Variants in NMNAT2 observed in about 807,000 individuals in gnomAD.
NMNAT2 encodes the protein nicotinamide nucleotide adenylyltransferase 2.
NMNAT2 carries 11 observed loss-of-function variants against 41.6 expected under a neutral mutation model. That is an observed-to-expected ratio of 0.26 (90% CI 0.17 to 0.44). The LOEUF (loss-of-function observed/expected upper bound fraction) is 0.44. Among genes scored for constraint, NMNAT2 ranks in the 20% least tolerant of loss-of-function variants. The probability of loss-of-function intolerance (pLI) is 1.00; values close to 1 mark genes in which losing one functional copy is unlikely to be tolerated. For synonymous variants in NMNAT2, 148 were observed against 151.2 expected, an observed-to-expected ratio of 0.98 and a Z score of 0.16; for missense variants, 288 against 407.7, an observed-to-expected ratio of 0.71 and a Z score of 2.53.
At chr1:183,294,147 T>C (rs1457843433) in intron 1 of NMNAT2, among the ~76,000 whole-genome samples, 1 of 151,984 alleles carries the variant, frequency 6.6e-6, no homozygotes, top group Non-Finnish European at 1.5e-5. Flanking sequence ...GGAGTTATAA[T>C]GTGGAGGAGT....
At chr1:183,273,096 A>G (rs979543980) in intron 8 of NMNAT2, among the ~76,000 whole-genome samples, 3 of 152,210 alleles carry the variant, frequency 2.0e-5, no homozygotes, top group Non-Finnish European at 4.4e-5. Context: ...TGGCCAATCA[A>G]TGTAGCCAGC....
intron 1 of NMNAT2, among the ~76,000 whole-genome samples, chr1:183,345,756 G>A (rs553515941): frequency 1.2e-4 from 18 of 151,214 alleles, no homozygotes; most frequent in African/African-American, 4.1e-4. Context: ...GCGCGATCTC[G>A]GCTCACTGCA....
chr1:183,327,600 C>T (rs368548380), intron 1 of NMNAT2, among the ~76,000 whole-genome samples: 1 of 152,178 alleles, frequency 6.6e-6, no homozygotes, highest in Non-Finnish European at 1.5e-5. Flanking sequence ...ATCAGTATGT[C>T]CCAGAATCGT....
Position 183,293,799 on chromosome 1 carries a change from T to C in NMNAT2, c.86-6A>G. On this transcript the variant is annotated splice_region_variant and splice_polypyrimidine_tract_variant and intron_variant, in intron 1 of 10. Coordinates refer to ENST00000287713, the MANE Select transcript of NMNAT2 (RefSeq NM_015039.4). ...CAGATAATCCCTGGCTCTTTCTAAT[T>C]AAGAGAAGAAACCCACACATTATAA... The C allele has an allele frequency of 3.1e-6, 5 of 1,605,150 alleles. No homozygotes were observed. Among genetic ancestry groups the C allele is most frequent in the Non-Finnish European group, 4.3e-6 (5 of 1,171,902 alleles).
chr1:183,299,448 A>C (rs1277155756), intron 1 of NMNAT2, among the ~76,000 whole-genome samples: 1 of 152,224 alleles, frequency 6.6e-6, no homozygotes, highest in Non-Finnish European at 1.5e-5. Flanking sequence ...TCTTTAGTTC[A>C]TTATTCTGAG....
intron 1 of NMNAT2, among the ~76,000 whole-genome samples, chr1:183,305,413 C>T (rs1661971301): frequency 6.6e-6 from 1 of 152,090 alleles, no homozygotes; most frequent in South Asian, 2.1e-4. Flanking sequence ...AAGTCTGTGT[C>T]ATTTGCATGG....
rs1023316640 is a variant in NMNAT2, at chr1:183,248,507, C to G, written c.*4134G>C. 3 of 152,476 alleles carry G rather than the reference C, an allele frequency of 2.0e-5. No homozygotes were observed. Among genetic ancestry groups the G allele is most frequent in the Non-Finnish European group, 4.4e-5 (3 of 68,034 alleles). The allele number at this position is 152,476 out of a possible 1,614,324, so 9.4% of individuals were successfully genotyped here. The stretch of plus-strand genomic sequence containing the variant: ...ATGTGGATCCAGCTGAATCCTCAGC[C>G]CTGGGACTAGACTAAGGTTGAGGGA... On this transcript the variant is annotated 3_prime_UTR_variant, in exon 11 of 11. Transcript: ENST00000287713.
chr1:183,288,665 T>C (rs1661456499), intron 4 of NMNAT2, among the ~76,000 whole-genome samples: 1 of 152,234 alleles, frequency 6.6e-6, no homozygotes, highest in Non-Finnish European at 1.5e-5. Flanking sequence ...GCCTGAGGCT[T>C]CTGTGTGACC....
intron 1 of NMNAT2, among the ~76,000 whole-genome samples, chr1:183,363,579 T>TACACACAC (rs146304060): frequency 0.073 from 10,748 of 147,502 alleles, 499 homozygotes; most frequent in Middle Eastern, 0.15. Flanking sequence ...CACACACACA[T>TACACACAC]ACACACACAC....
At chr1:183,333,788 A>G (rs1285095461) in intron 1 of NMNAT2, among the ~76,000 whole-genome samples, 2 of 152,224 alleles carry the variant, frequency 1.3e-5, no homozygotes. Flanking sequence ...AACCTGAAAC[A>G]TGGTGCTCCT....
At position 183,332,407 on chromosome 1, in the gene NMNAT2, G is replaced by A. The variant is rs75370844; in HGVS notation, c.86-38614C>T. The stretch of plus-strand genomic sequence containing the variant: ...TGCGCCTCAGAATTAAATTATAAGA[G>A]GCAGAATGTGATATTAATCATTGTG... On this transcript the variant is annotated intron_variant, in intron 1 of 10. Coordinates refer to ENST00000287713, the MANE Select transcript of NMNAT2 (RefSeq NM_015039.4). Among the ~76,000 whole-genome samples, 173 of 152,112 alleles carry A rather than the reference G, an allele frequency of 1.1e-3. 2 individuals are homozygous for A. The East Asian group carries it at 0.027, about 24-fold the overall frequency.
chr1:183,388,148 A>G (rs1249739861), intron 1 of NMNAT2, among the ~76,000 whole-genome samples: 30 of 152,382 alleles, frequency 2.0e-4, no homozygotes, highest in African/African-American at 7.2e-4. Context: ...AAAGTGGTCC[A>G]GCTACAAGTG....
In NMNAT2 at chr1:183,282,916, T is replaced by C. The variant is rs1427453766; in HGVS notation, c.574+1079A>G. 2.6e-5 allele frequency: 4 copies of C among 152,210 alleles called. No homozygotes were observed. The East Asian group carries it at 7.7e-4, about 29-fold the overall frequency. The allele number at this position is 152,210 out of a possible 1,614,324, so 9.4% of individuals were successfully genotyped here. A position where few individuals can be genotyped will look rare whatever the true frequency, so the allele number is the denominator to read the frequency against. On this transcript the variant is annotated intron_variant, in intron 7 of 10. Transcript: ENST00000287713. Reference sequence around the variant, plus strand: ...TTAATTAAATTTAATTTTAAGTTAATATAACTTAATTTTTAGTAATGGCTC... The same window carrying C: ...TTAATTAAATTTAATTTTAAGTTAACATAACTTAATTTTTAGTAATGGCTC...
At chr1:183,286,137 C>T (rs754098760) in intron 5 of NMNAT2, among the ~76,000 whole-genome samples, 21 of 152,296 alleles carry the variant, frequency 1.4e-4, no homozygotes, top group South Asian at 6.2e-4. Flanking sequence ...GTGGCACAGT[C>T]CCCCAGTCCC....
intron 1 of NMNAT2, among the ~76,000 whole-genome samples, chr1:183,372,918 T>A (rs2101911839): frequency 6.6e-6 from 1 of 152,332 alleles, no homozygotes; most frequent in East Asian, 1.9e-4. Flanking sequence ...GGTGAGAGAT[T>A]CTCCATGGAT....
intron 2 of NMNAT2, 55 bp downstream of exon 2, chr1:183,293,650 G>T: frequency 1.5e-6 from 2 of 1,312,394 alleles, no homozygotes; most frequent in Non-Finnish European, 2.2e-6. Context: ...GAACTATCAG[G>T]CCAGGGATGG....
intron 1 of NMNAT2, among the ~76,000 whole-genome samples, chr1:183,295,785 G>A (rs1175224104): frequency 1.3e-5 from 2 of 152,116 alleles, no homozygotes; most frequent in African/African-American, 4.8e-5. Flanking sequence ...CTTTGGACTT[G>A]CTGTTTTCAC....
intron 1 of NMNAT2, among the ~76,000 whole-genome samples, chr1:183,354,696 C>T (rs770009241): frequency 3.3e-5 from 5 of 152,114 alleles, no homozygotes; most frequent in African/African-American, 4.8e-5. Flanking sequence ...GGATTACAGG[C>T]GTGAGCCACT....
intron 8 of NMNAT2, among the ~76,000 whole-genome samples, chr1:183,265,422 A>G (rs984508889): frequency 1.3e-5 from 2 of 151,794 alleles, no homozygotes; most frequent in African/African-American, 4.8e-5. Flanking sequence ...ATGCGCCACC[A>G]TGCCCAGCTA....
Sources: allele counts gnomAD v4.1 joint callset (sites outside exome capture counted in the v4.1 genomes callset), GRCh38; gene constraint gnomAD v4.1.1; transcripts MANE v1.5; gene names NCBI Gene and HGNC (gene_info 2026-07-23, HGNC 2026-07-21).